The following PAPPA2 variants were observed in gnomAD, a reference collection of about 807,000 sequenced individuals.
PAPPA2 encodes pappalysin-2.
Under a neutral mutation model 176.4 loss-of-function variants are expected in PAPPA2, and 86 were observed. The ratio of observed to expected loss-of-function variants is 0.49; its 90% confidence interval spans 0.41 to 0.58. The LOEUF is 0.58. Among genes scored for constraint, PAPPA2 ranks in the 20% least tolerant of loss-of-function variants. The pLI, the probability that PAPPA2 is intolerant of heterozygous loss-of-function variation, is 0.00. For missense variants in PAPPA2, 2,073 were observed against 2,256.9 expected (o/e 0.92, Z 1.65); for synonymous variants, 809 against 852.2 (o/e 0.95, Z 0.88).
chr1:176,589,626 C>A (rs1367084443), intron 2 of PAPPA2, among the ~76,000 whole-genome samples: 1 of 152,170 alleles, frequency 6.6e-6, no homozygotes, highest in African/African-American at 2.4e-5. Context: ...AATCCATGGG[C>A]TATCATAGTT....
intron 6 of PAPPA2, among the ~76,000 whole-genome samples, chr1:176,693,965 T>C (rs1005095824): frequency 6.6e-6 from 1 of 152,224 alleles, no homozygotes. Context: ...CAGACATCAG[T>C]ACGGGCGTGC....
At position 176,634,996 on chromosome 1, in the gene PAPPA2, T is replaced by TAGAC. The variant is rs1224301295; in HGVS notation, c.1992-35971_1992-35970insCAGA. On this transcript the variant is annotated intron_variant, in intron 3 of 22. Transcript: ENST00000367662. The stretch of plus-strand genomic sequence containing the variant: ...ATAGATAGATAGATAGATAGATAGA[T>TAGAC]AGATAGATAGATAGATAGATGCACA... Among the ~76,000 whole-genome samples the TAGAC allele has an allele frequency of 2.5e-3, 368 of 150,178 alleles. 5 individuals are homozygous for TAGAC. The highest frequency in any genetic ancestry group is 0.016 in the Admixed American group (239 of 15,058).
At chr1:176,503,986 A>G (rs1648108760) in intron 1 of PAPPA2, among the ~76,000 whole-genome samples, 1 of 152,184 alleles carries the variant, frequency 6.6e-6, no homozygotes, top group Admixed American at 6.6e-5. Flanking sequence ...GACATAAGGA[A>G]GTCACTTGAA....
intron 1 of PAPPA2, among the ~76,000 whole-genome samples, chr1:176,465,503 A>T (rs892839214): frequency 1.1e-4 from 16 of 152,330 alleles, no homozygotes; most frequent in South Asian, 2.1e-4. Flanking sequence ...TATTGGGCAC[A>T]TATATCACCT....
intron 1 of PAPPA2, 145 bp downstream of exon 1, chr1:176,463,563 A>T (rs1426833636): frequency 3.9e-5 from 6 of 152,260 alleles, no homozygotes. Flanking sequence ...GCAGCCCTGT[A>T]AGCGGGGATG....
At chr1:176,816,685 A>G (rs551797165) in intron 21 of PAPPA2, among the ~76,000 whole-genome samples, 1 of 152,182 alleles carries the variant, frequency 6.6e-6, no homozygotes, top group South Asian at 2.1e-4. Context: ...AAGATATAAA[A>G]ACAAATTCAA....
chr1:176,711,622 AGTT>A (rs1328219248), intron 11 of PAPPA2, among the ~76,000 whole-genome samples: 4 of 152,132 alleles, frequency 2.6e-5, no homozygotes, highest in Admixed American at 2.0e-4. Flanking sequence ...GATAAACGAG[AGTT>A]GTTGTGTTTT....
At chr1:176,547,682 C>CT (rs1270748112) in intron 1 of PAPPA2, among the ~76,000 whole-genome samples, 1 of 152,202 alleles carries the variant, frequency 6.6e-6, no homozygotes, top group African/African-American at 2.4e-5. Context: ...GAGATGGGGT[C>CT]TGTCTTACGC....
At chr1:176,634,829 GATAGATAGATAGATAGATAC>G (rs1470770508) in intron 3 of PAPPA2, among the ~76,000 whole-genome samples, 3 of 142,552 alleles carry the variant, frequency 2.1e-5, no homozygotes, top group African/African-American at 8.0e-5. Context: ...TAGATAGATA[GATAGATAGATAGATAGATAC>G]ATAGATACAT....
Position 176,771,107 on chromosome 1 carries a change from G to T in PAPPA2, c.4642G>T (p.Val1548Leu). ...LPHCLQDNHD[V>L]GTICKYECKP... Reference sequence around the variant, plus strand: ...TCACTGCCTCCAGGACAACCACGACGTGGGCACCATCTGCAAATATGAATG... The same window carrying T: ...TCACTGCCTCCAGGACAACCACGACTTGGGCACCATCTGCAAATATGAATG... Residue 1548 changes from valine to leucine, a missense_variant, in exon 17 of 23, where the codon GTG becomes TTG. Physicochemically the swap from Val to Leu is conservative, Grantham distance 32 (BLOSUM62 1). Coordinates refer to ENST00000367662, the MANE Select transcript of PAPPA2 (RefSeq NM_020318.3). 6.2e-7 allele frequency: 1 copy of T among 1,614,178 alleles called. No homozygotes were observed.
intron 2 of PAPPA2, among the ~76,000 whole-genome samples, chr1:176,584,274 C>G (rs1285637635): frequency 1.3e-5 from 2 of 152,054 alleles, no homozygotes; most frequent in Non-Finnish European, 2.9e-5. Context: ...GGGTCTAGCT[C>G]TACCTTTAGA....
chr1:176,485,171 A>G (rs181051359), intron 1 of PAPPA2, among the ~76,000 whole-genome samples: 74 of 152,342 alleles, frequency 4.9e-4, no homozygotes, highest in African/African-American at 1.8e-3. Flanking sequence ...TCAGCAAGGC[A>G]GCTAAAGTGT....
intron 1 of PAPPA2, among the ~76,000 whole-genome samples, chr1:176,477,387 A>T (rs192424640): frequency 6.6e-6 from 1 of 152,336 alleles, no homozygotes; most frequent in Non-Finnish European, 1.5e-5. Context: ...AATAAGTTTC[A>T]TGCAACACTA....
chr1:176,476,920 C>T (rs779413231), intron 1 of PAPPA2, among the ~76,000 whole-genome samples: 2 of 152,144 alleles, frequency 1.3e-5, no homozygotes, highest in African/African-American at 2.4e-5. Flanking sequence ...GATGGAGTCA[C>T]GTGCTCTTGG....
At chr1:176,800,774 C>G (rs941270201) in intron 21 of PAPPA2, among the ~76,000 whole-genome samples, 5 of 152,048 alleles carry the variant, frequency 3.3e-5, no homozygotes, top group Non-Finnish European at 5.9e-5. Context: ...TGGTGGGCAC[C>G]CCTTGTTTAA....
chr1:176,647,553 A>G (rs1305624432), intron 3 of PAPPA2, among the ~76,000 whole-genome samples: 1 of 151,678 alleles, frequency 6.6e-6, no homozygotes, highest in Non-Finnish European at 1.5e-5. Flanking sequence ...GAGGCCTTAC[A>G]TTTAAGTCTT....
chr1:176,699,700 G>C (rs987315485), intron 8 of PAPPA2, 111 bp downstream of exon 8: 11 of 1,458,974 alleles, frequency 7.5e-6, no homozygotes, highest in Admixed American at 2.3e-5. Flanking sequence ...GGAATGTTTA[G>C]ACTTTCAGAG....
intron 12 of PAPPA2, among the ~76,000 whole-genome samples, chr1:176,714,420 AG>A (rs1661279629): frequency 6.6e-6 from 1 of 151,998 alleles, no homozygotes; most frequent in South Asian, 2.1e-4. Context: ...AAAAAAAAAA[AG>A]GATACCTTGA....
chr1:176,736,335 T>C (rs989999866), intron 12 of PAPPA2, among the ~76,000 whole-genome samples: 1 of 151,414 alleles, frequency 6.6e-6, no homozygotes, highest in Non-Finnish European at 1.5e-5. Context: ...GTCTGGACTC[T>C]ATATATATAT....
Sources: allele counts gnomAD v4.1 joint callset (sites outside exome capture counted in the v4.1 genomes callset), GRCh38; gene constraint gnomAD v4.1.1; transcripts MANE v1.5; gene names NCBI Gene and HGNC (gene_info 2026-07-23, HGNC 2026-07-21).